The following NR6A1 variants were observed in gnomAD, a reference collection of about 807,000 sequenced individuals.
NR6A1 encodes the protein nuclear receptor subfamily 6 group A member 1.
NR6A1 carries 7 observed loss-of-function variants against 59.1 expected under a neutral mutation model. The ratio of observed to expected loss-of-function variants is 0.12; its 90% CI spans 0.07 to 0.22. The LOEUF is 0.22. Among genes scored for constraint, NR6A1 ranks in the 10% least tolerant of loss-of-function variants. The pLI is 1.00. For missense variants in NR6A1, 468 were observed against 611.6 expected (o/e 0.77, Z 2.48); for synonymous variants, 243 against 236.1 (o/e 1.03, Z -0.27).
At chr9:124,761,730 T>C (rs143759776) in intron 1 of NR6A1, among the ~76,000 whole-genome samples, 13 of 152,346 alleles carry the variant, frequency 8.5e-5, no homozygotes, top group African/African-American at 2.9e-4. Flanking sequence ...AAAAGCACGA[T>C]AGGATCTTTA....
chr9:124,594,022 GCCCA>G (rs1375346927), intron 2 of NR6A1, among the ~76,000 whole-genome samples: 1 of 152,158 alleles, frequency 6.6e-6, no homozygotes, highest in Non-Finnish European at 1.5e-5. Flanking sequence ...ACATTTGTAT[GCCCA>G]GCTGTGACAA....
intron 2 of NR6A1, among the ~76,000 whole-genome samples, chr9:124,727,803 G>C (rs1839766099): frequency 6.6e-6 from 1 of 151,688 alleles, no homozygotes; most frequent in East Asian, 1.9e-4. Flanking sequence ...TCCTGCCTCA[G>C]CCTCCCAAGT....
At chr9:124,735,294 T>C (rs4836988) in intron 1 of NR6A1, among the ~76,000 whole-genome samples, 72,618 of 151,932 alleles carry the variant, frequency 0.48, 17,655 homozygotes, top group Admixed American at 0.59. Flanking sequence ...CAATGAAATA[T>C]GGAAAACAAA....
chr9:124,768,444 A>C (rs77068072), intron 1 of NR6A1, among the ~76,000 whole-genome samples: 1 of 152,262 alleles, frequency 6.6e-6, no homozygotes, highest in Middle Eastern at 3.2e-3. Flanking sequence ...TGTTAACTTC[A>C]TAAGTGCTAA....
rs530418607 is a variant in NR6A1, at chr9:124,713,184, T to A, written c.142+20124A>T. ...AGAAAGAATAATCACATGGTACTGA[T>A]AAAATAATATCCACATGAGAAAAAA... On this transcript the variant is annotated intron_variant, in intron 2 of 9. Coordinates refer to ENST00000487099, the MANE Select transcript of NR6A1 (RefSeq NM_033334.4). Among the ~76,000 whole-genome samples, 7 of 151,944 alleles carry A rather than the reference T, an allele frequency of 4.6e-5. No individual in the cohort carries two copies. The South Asian group carries it at 1.4e-3, about 31-fold the overall frequency.
chr9:124,587,479 A>G (rs1564191186), intron 2 of NR6A1, among the ~76,000 whole-genome samples: 3 of 152,174 alleles, frequency 2.0e-5, no homozygotes, highest in Admixed American at 6.5e-5. Context: ...GTCCCTTCAC[A>G]GTTCTGAGGC....
At chr9:124,584,337 C>T (rs956325598) in intron 2 of NR6A1, among the ~76,000 whole-genome samples, 3 of 152,060 alleles carry the variant, frequency 2.0e-5, no homozygotes, top group African/African-American at 7.2e-5. Context: ...GATCTCCTGA[C>T]GTCATGATCT....
Position 124,666,938 on chromosome 9 carries a change from T to C in NR6A1, c.142+66370A>G, listed in dbSNP as rs555886006. On this transcript the variant is annotated intron_variant, in intron 2 of 9. Transcript: ENST00000487099. Reference sequence around the variant, plus strand: ...CTTTATAGGGCTGTTGTAAGAATTATATGTTTGCCTGTGTCTAGCATAGCA... The same window carrying C: ...CTTTATAGGGCTGTTGTAAGAATTACATGTTTGCCTGTGTCTAGCATAGCA... Among the ~76,000 whole-genome samples the C allele has an allele frequency of 3.3e-5, 5 of 152,312 alleles. No homozygotes were observed. The South Asian group carries it at 8.3e-4, about 25-fold the overall frequency.
intron 2 of NR6A1, among the ~76,000 whole-genome samples, chr9:124,690,509 A>G (rs1049450113): frequency 6.6e-6 from 1 of 152,096 alleles, no homozygotes; most frequent in African/African-American, 2.4e-5. Flanking sequence ...AGAGTTAAAT[A>G]GTTGGATTGG....
At chr9:124,766,897 T>C (rs971705528) in intron 1 of NR6A1, among the ~76,000 whole-genome samples, 12 of 152,148 alleles carry the variant, frequency 7.9e-5, no homozygotes, top group African/African-American at 2.9e-4. Flanking sequence ...TACCCAATTA[T>C]AAAAATGAAG....
chr9:124,689,815 T>C (rs1588788990), intron 2 of NR6A1, among the ~76,000 whole-genome samples: 2 of 152,190 alleles, frequency 1.3e-5, no homozygotes, highest in African/African-American at 4.8e-5. Context: ...TCCTGGCACT[T>C]GTAGGCAGAA....
At chr9:124,756,266 G>A (rs952486922) in intron 1 of NR6A1, among the ~76,000 whole-genome samples, 1 of 152,172 alleles carries the variant, frequency 6.6e-6, no homozygotes, top group African/African-American at 2.4e-5. Flanking sequence ...GAATTGAGGA[G>A]GTTTGTACCC....
At chr9:124,534,480 G>A (rs1196974744) in intron 7 of NR6A1, among the ~76,000 whole-genome samples, 1 of 152,192 alleles carries the variant, frequency 6.6e-6, no homozygotes, top group Non-Finnish European at 1.5e-5. Context: ...GGTCTGCAGA[G>A]TAAATGAGTA....
intron 7 of NR6A1, among the ~76,000 whole-genome samples, chr9:124,534,633 T>C (rs1303559826): frequency 6.6e-6 from 1 of 152,160 alleles, no homozygotes; most frequent in Non-Finnish European, 1.5e-5. Flanking sequence ...GTCCTATCCT[T>C]TCAACATCTC....
intron 1 of NR6A1, among the ~76,000 whole-genome samples, chr9:124,757,482 G>C (rs999340241): frequency 1.4e-5 from 2 of 145,012 alleles, no homozygotes; most frequent in Non-Finnish European, 3.0e-5. Context: ...AAAAAACCTT[G>C]GATTTGAGGT....
intron 2 of NR6A1, among the ~76,000 whole-genome samples, chr9:124,720,857 T>TA (rs905775310): frequency 6.6e-6 from 1 of 152,216 alleles, no homozygotes; most frequent in Admixed American, 6.5e-5. Context: ...CCACTACTGA[T>TA]ACGTTTGCCT....
intron 2 of NR6A1, among the ~76,000 whole-genome samples, chr9:124,716,499 T>C (rs1839420413): frequency 6.6e-6 from 1 of 152,138 alleles, no homozygotes; most frequent in Non-Finnish European, 1.5e-5. Flanking sequence ...TCACAAAACA[T>C]GTTAAAAAGT....
At chr9:124,688,154 T>C (rs1167737555) in intron 2 of NR6A1, among the ~76,000 whole-genome samples, 1 of 151,974 alleles carries the variant, frequency 6.6e-6, no homozygotes, top group African/African-American at 2.4e-5. Flanking sequence ...AGACCCTGTC[T>C]GTACAAAAAA....
intron 9 of NR6A1, 111 bp downstream of exon 9, chr9:124,524,610 T>C: frequency 8.2e-7 from 1 of 1,213,464 alleles, no homozygotes; most frequent in East Asian, 2.4e-5. Context: ...AACTCTTTCA[T>C]GCAGTTGGTG....
Sources: allele counts gnomAD v4.1 joint callset (sites outside exome capture counted in the v4.1 genomes callset), GRCh38; gene constraint gnomAD v4.1.1; transcripts MANE v1.5; gene names NCBI Gene and HGNC (gene_info 2026-07-23, HGNC 2026-07-21).